Variants in RABGEF1 observed in about 807,000 individuals in gnomAD.
The protein encoded by RABGEF1 is RAB guanine nucleotide exchange factor 1.
Under a neutral mutation model 57.3 loss-of-function variants are expected in RABGEF1, and 26 were observed. The ratio of observed to expected loss-of-function variants is 0.45; its 90% CI spans 0.33 to 0.63. RABGEF1 has a LOEUF of 0.63. Ranked by LOEUF, RABGEF1 falls within the 20% of genes least tolerant of loss-of-function variation. RABGEF1 has a pLI of 0.02. For synonymous variants in RABGEF1, 185 were observed against 210.7 expected (o/e 0.88, Z 1.06); for missense variants, 464 against 607.6 (o/e 0.76, Z 2.48).
upstream of RABGEF1, among the ~76,000 whole-genome samples, chr7:66,681,328 T>C (rs1789711565): frequency 6.6e-6 from 1 of 152,288 alleles, no homozygotes; most frequent in South Asian, 2.1e-4. Context: ...AGTATCCAAT[T>C]TGTGACTCAA....
intron 1 of RABGEF1, among the ~76,000 whole-genome samples, chr7:66,704,484 C>T (rs1793720513): frequency 6.6e-6 from 1 of 152,070 alleles, no homozygotes; most frequent in Admixed American, 6.6e-5. Flanking sequence ...TTTACATTCC[C>T]ACCAGCTACA....
At chr7:66,758,221 T>C (rs1803273416) in intron 1 of RABGEF1, among the ~76,000 whole-genome samples, 1 of 152,186 alleles carries the variant, frequency 6.6e-6, no homozygotes, top group Non-Finnish European at 1.5e-5. Flanking sequence ...CGTTTTGCTT[T>C]TCTGAGACGA....
the RABGEF1 span, among the ~76,000 whole-genome samples, chr7:66,660,453 T>C: frequency 1.3e-4 from 19 of 151,654 alleles, no homozygotes; most frequent in Non-Finnish European, 2.1e-4. Context: ...CACCAGCAAA[T>C]TGAATAACCA....
intron 2 of RABGEF1, among the ~76,000 whole-genome samples, chr7:66,727,299 G>A (rs1308400568): frequency 6.6e-6 from 1 of 152,138 alleles, no homozygotes; most frequent in Non-Finnish European, 1.5e-5. Context: ...CTTGTCCGTG[G>A]GACAGGGTGA....
intron 1 of RABGEF1, among the ~76,000 whole-genome samples, chr7:66,702,488 G>A (rs916902867): frequency 6.6e-6 from 1 of 151,744 alleles, no homozygotes; most frequent in Non-Finnish European, 1.5e-5. Flanking sequence ...CAGTTCTCTT[G>A]GGTATATATC....
intron 1 of RABGEF1, among the ~76,000 whole-genome samples, chr7:66,743,327 T>A (rs1355212308): frequency 2.2e-5 from 3 of 136,626 alleles, no homozygotes; most frequent in Non-Finnish European, 4.8e-5. Context: ...AGAAAAAAAT[T>A]TAAAAAAAAA....
At chr7:66,769,970 C>T (rs751208842) in intron 1 of RABGEF1, among the ~76,000 whole-genome samples, 2 of 152,210 alleles carry the variant, frequency 1.3e-5, no homozygotes, top group Non-Finnish European at 2.9e-5. Flanking sequence ...ACCCTTTCAA[C>T]ACAAGGCTCT....
chr7:66,772,115 G>A (rs773914620), intron 2 of RABGEF1, 37 bp downstream of exon 2: 34 of 1,383,974 alleles, frequency 2.5e-5, no homozygotes, highest in Middle Eastern at 4.4e-4. Flanking sequence ...GAACAGTGAC[G>A]TGACTGGATA....
At chr7:66,697,319 G>A (rs535007600) in intron 1 of RABGEF1, among the ~76,000 whole-genome samples, 38 of 152,328 alleles carry the variant, frequency 2.5e-4, no homozygotes, top group African/African-American at 8.4e-4. Context: ...TTGCAGCGTG[G>A]CGTCTCACAA....
the RABGEF1 span, among the ~76,000 whole-genome samples, chr7:66,657,592 G>A: frequency 2.0e-5 from 3 of 152,212 alleles, no homozygotes; most frequent in South Asian, 4.1e-4. Context: ...AGGCTGAAGC[G>A]GGAGGATCCC....
At chr7:66,761,919 C>T (rs749510942) in intron 1 of RABGEF1, among the ~76,000 whole-genome samples, 11 of 152,014 alleles carry the variant, frequency 7.2e-5, no homozygotes, top group Admixed American at 2.6e-4. Context: ...GGCATGGTGG[C>T]AGGCACCTAT....
At chr7:66,785,880 A>G (rs567773480) in intron 4 of RABGEF1, among the ~76,000 whole-genome samples, 71 of 133,392 alleles carry the variant, frequency 5.3e-4, no homozygotes, top group East Asian at 4.3e-3. Flanking sequence ...TCTGGGGGGG[A>G]AAAAAAAAAA....
At chr7:66,803,722 C>T (rs1787804529) in intron 7 of RABGEF1, among the ~76,000 whole-genome samples, 1 of 151,980 alleles carries the variant, frequency 6.6e-6, no homozygotes, top group African/African-American at 2.4e-5. Context: ...AACCCCATCT[C>T]TACTATAAAT....
At chr7:66,799,223 G>A (rs1786730338) in intron 6 of RABGEF1, 100 bp from the exon 7 acceptor site, 1 of 859,898 alleles carries the variant, frequency 1.2e-6, no homozygotes, top group Non-Finnish European at 1.9e-6. Context: ...GGATTGAGTG[G>A]TCAGTGATGC....
intron 7 of RABGEF1, 131 bp downstream of exon 7, chr7:66,799,545 G>A (rs1335148781): frequency 5.6e-6 from 4 of 719,172 alleles, no homozygotes; most frequent in African/African-American, 5.5e-5. Context: ...AAAGTGATTT[G>A]TAAGATTGTT....
At chr7:66,656,820 CAAAAAA>C in the RABGEF1 span, among the ~76,000 whole-genome samples, 1 of 73,858 alleles carries the variant, frequency 1.4e-5, no homozygotes, top group Non-Finnish European at 2.6e-5. Flanking sequence ...AACTGCATCT[CAAAAAA>C]AAAAAAAAAA....
At chr7:66,776,008 G>A (rs930400969) in intron 3 of RABGEF1, among the ~76,000 whole-genome samples, 10 of 152,232 alleles carry the variant, frequency 6.6e-5, no homozygotes, top group African/African-American at 2.2e-4. Flanking sequence ...TGTCACTTAA[G>A]TCACAGTTGT....
intron 3 of RABGEF1, among the ~76,000 whole-genome samples, chr7:66,779,772 A>C (rs1193737198): frequency 6.6e-6 from 1 of 151,672 alleles, no homozygotes; most frequent in East Asian, 1.9e-4. Context: ...TGTAACGTGG[A>C]TGAGGTTGTT....
At chr7:66,728,698 A>C in intron 2 of RABGEF1, among the ~76,000 whole-genome samples, 4 of 18,658 alleles carry the variant, frequency 2.1e-4, no homozygotes, top group East Asian at 1.3e-3. Context: ...CATCATCCTC[A>C]CCTCAACTTT....
Sources: gnomAD v4.1 joint callset for allele counts (sites outside exome capture counted in the v4.1 genomes callset) on GRCh38, gnomAD v4.1.1 for gene constraint, MANE v1.5 for transcripts, NCBI Gene and HGNC (gene_info 2026-07-23, HGNC 2026-07-21) for gene names.